Variants in ZBTB20 observed in about 807,000 individuals in gnomAD.
ZBTB20 encodes the protein zinc finger and BTB domain-containing protein 20.
A neutral mutation model predicts 56.9 loss-of-function variants in ZBTB20; 9 were observed. The observed-to-expected ratio is 0.16, with a 90% CI of 0.10 to 0.28. ZBTB20 has a LOEUF of 0.28. Among genes scored for constraint, ZBTB20 ranks in the 10% least tolerant of loss-of-function variants. ZBTB20 has a pLI of 1.00. For missense variants in ZBTB20, 655 were observed against 1,003.0 expected (o/e 0.65, Z 4.69); for synonymous variants, 417 against 420.7 (o/e 0.99, Z 0.11).
In ZBTB20 at chr3:114,329,738, C is replaced by CAAA. The variant is rs2079184206; in HGVS notation, c.*9266_*9267insTTT. Reference sequence around the variant, plus strand: ...AAAAAAAAAAAAAAAAAAAAAAAAACAACTCCCAGGAAAATGAACACTATA... The same window carrying CAAA: ...AAAAAAAAAAAAAAAAAAAAAAAAACAAAAACTCCCAGGAAAATGAACACTATA... On this transcript the variant is annotated 3_prime_UTR_variant, in exon 12 of 12. Coordinates refer to ENST00000675478, the MANE Select transcript of ZBTB20 (RefSeq NM_001348800.3). 3 of 29,072 alleles carry CAAA rather than the reference C, an allele frequency of 1.0e-4. No homozygotes were observed. The highest frequency in any genetic ancestry group is 2.0e-4 in the African/African-American group (2 of 10,102). 1.8% of individuals were successfully genotyped at this position (29,072 alleles called of 1,614,324 possible). A position where few individuals can be genotyped will look rare whatever the true frequency, so the allele number is the denominator to read the frequency against.
intron 7 of ZBTB20, among the ~76,000 whole-genome samples, chr3:114,481,027 T>C (rs879766691): frequency 6.6e-6 from 1 of 152,122 alleles, no homozygotes; most frequent in Non-Finnish European, 1.5e-5. Context: ...TTTAAAAAAA[T>C]AGCAAAATAC....
chr3:114,803,787 T>G (rs961865394), intron 4 of ZBTB20, among the ~76,000 whole-genome samples: 13 of 150,260 alleles, frequency 8.7e-5, no homozygotes, highest in Middle Eastern at 6.9e-3. Context: ...CTGTTTTTTT[T>G]TTTTTTTTTA....
Position 114,332,607 on chromosome 3 carries a change from G to A in ZBTB20, c.*6398C>T, listed in dbSNP as rs575712809. 346 of 152,268 alleles carry A rather than the reference G, an allele frequency of 2.3e-3. 2 individuals are homozygous for A. Among genetic ancestry groups the A allele is most frequent in the African/African-American group, 8.0e-3 (332 of 41,556 alleles). 9.4% of individuals were successfully genotyped at this position (152,268 alleles called of 1,614,324 possible). A position where few individuals can be genotyped will look rare whatever the true frequency, so the allele number is the denominator to read the frequency against. On this transcript the variant is annotated 3_prime_UTR_variant, in exon 12 of 12. Coordinates refer to ENST00000675478, the MANE Select transcript of ZBTB20 (RefSeq NM_001348800.3). The stretch of plus-strand genomic sequence containing the variant: ...TCCATAGTCCTCAATCATGAATAGG[G>A]CTTGTTTTTGTGATAATGTAACTAT...
At chr3:114,493,661 T>A (rs1454117331) in intron 7 of ZBTB20, among the ~76,000 whole-genome samples, 1 of 152,244 alleles carries the variant, frequency 6.6e-6, no homozygotes, top group Non-Finnish European at 1.5e-5. Flanking sequence ...GTTTTTAACC[T>A]TCAGGTGTCA....
At chr3:114,643,501 G>A (rs1287579597) in intron 6 of ZBTB20, among the ~76,000 whole-genome samples, 4 of 152,088 alleles carry the variant, frequency 2.6e-5, no homozygotes, top group African/African-American at 7.2e-5. Context: ...TTATTCACCT[G>A]AATGCATTTT....
rs917452173 is a variant in ZBTB20 at position 114,691,593 on chromosome 3, T to C, written c.-295+1935A>G. On this transcript the variant is annotated intron_variant, in intron 6 of 11. Transcript: ENST00000675478. The stretch of plus-strand genomic sequence containing the variant: ...TATTGGGCATTTAGGTTAAATGAGC[T>C]ATTCCTCTTCAGGAATATTATATAT... 2.0e-5 allele frequency among the ~76,000 whole-genome samples: 3 copies of C among 152,090 alleles called. 1 individual carries two copies. The highest frequency in any genetic ancestry group is 6.6e-5 in the Admixed American group (1 of 15,258).
chr3:114,364,988 G>A (rs2082256403), intron 10 of ZBTB20, among the ~76,000 whole-genome samples: 1 of 152,164 alleles, frequency 6.6e-6, no homozygotes, highest in Non-Finnish European at 1.5e-5. Flanking sequence ...GGCGCCTGGT[G>A]TGGTCTAAGA....
At chr3:114,524,584 T>A (rs1410687245) in intron 6 of ZBTB20, among the ~76,000 whole-genome samples, 1 of 152,126 alleles carries the variant, frequency 6.6e-6, no homozygotes, top group Non-Finnish European at 1.5e-5. Flanking sequence ...ATGTTTCCTC[T>A]CTCTCACTTT....
At chr3:114,656,253 T>C (rs550037002) in intron 6 of ZBTB20, among the ~76,000 whole-genome samples, 1 of 152,328 alleles carries the variant, frequency 6.6e-6, no homozygotes, top group South Asian at 2.1e-4. Context: ...TTGAATACAG[T>C]GCCTACATGT....
At chr3:114,959,227 C>T (rs1576426285) in intron 3 of ZBTB20, among the ~76,000 whole-genome samples, 1 of 152,192 alleles carries the variant, frequency 6.6e-6, no homozygotes, top group South Asian at 2.1e-4. Context: ...TATCTTCAAA[C>T]ATTTTCCTCA....
intron 6 of ZBTB20, among the ~76,000 whole-genome samples, chr3:114,686,303 G>T (rs182690994): frequency 2.0e-5 from 3 of 152,272 alleles, no homozygotes; most frequent in Non-Finnish European, 4.4e-5. Context: ...CACTGAGCAA[G>T]GTAAAGAGTG....
intron 4 of ZBTB20, among the ~76,000 whole-genome samples, chr3:114,832,494 C>T (rs910407253): frequency 1.3e-5 from 2 of 151,938 alleles, no homozygotes; most frequent in East Asian, 3.9e-4. Flanking sequence ...TCTATTCTAA[C>T]AAAGTAAATT....
intron 4 of ZBTB20, among the ~76,000 whole-genome samples, chr3:114,837,286 TG>T (rs1337985218): frequency 3.9e-5 from 6 of 152,244 alleles, no homozygotes; most frequent in African/African-American, 1.4e-4. Flanking sequence ...TGTACCTGTA[TG>T]TTCATAATCT....
chr3:115,125,360 A>T (rs568297795), intron 1 of ZBTB20, among the ~76,000 whole-genome samples: 1 of 150,760 alleles, frequency 6.6e-6, no homozygotes, highest in East Asian at 2.0e-4. Context: ...AAAAAAAAAA[A>T]GAAAATGTGA....
chr3:115,064,362 A>G (rs1157379605), intron 2 of ZBTB20, among the ~76,000 whole-genome samples: 5 of 152,118 alleles, frequency 3.3e-5, no homozygotes, highest in African/African-American at 1.2e-4. Flanking sequence ...GTCTAAAAAT[A>G]AAAATGTTTT....
At chr3:114,849,898 CTTT>C (rs34170211) in intron 4 of ZBTB20, among the ~76,000 whole-genome samples, 1 of 114,890 alleles carries the variant, frequency 8.7e-6, no homozygotes, top group Admixed American at 1.0e-4. Context: ...ATCAGGAAAT[CTTT>C]TTTTTTTTTT....
intron 4 of ZBTB20, among the ~76,000 whole-genome samples, chr3:114,871,204 T>C (rs2075996107): frequency 6.6e-6 from 1 of 152,078 alleles, no homozygotes; most frequent in East Asian, 1.9e-4. Context: ...CTGCCCCATC[T>C]CCCCTTTCTT....
chr3:114,740,032 G>T (rs977446847), intron 5 of ZBTB20, among the ~76,000 whole-genome samples: 3 of 152,200 alleles, frequency 2.0e-5, no homozygotes, highest in African/African-American at 7.2e-5. Flanking sequence ...AAATGGCAAT[G>T]ATAATGATGT....
intron 1 of ZBTB20, among the ~76,000 whole-genome samples, chr3:115,102,080 A>C (rs776687100): frequency 6.6e-6 from 1 of 152,192 alleles, no homozygotes; most frequent in Non-Finnish European, 1.5e-5. Flanking sequence ...TTAGAATGTA[A>C]TATCTACCTA....
Sources: gnomAD v4.1 joint callset for allele counts (sites outside exome capture counted in the v4.1 genomes callset) on GRCh38, gnomAD v4.1.1 for gene constraint, MANE v1.5 for transcripts, NCBI Gene and HGNC (gene_info 2026-07-23, HGNC 2026-07-21) for gene names.